The following TMED3 variants were observed in gnomAD, a reference collection of about 807,000 sequenced individuals.
The protein encoded by TMED3 is transmembrane emp24 domain-containing protein 3.
In TMED3, 9 loss-of-function variants were observed where a neutral mutation model predicts 15.0. The ratio of observed to expected loss-of-function variants is 0.60; its 90% CI spans 0.36 to 1.04. The LOEUF is 1.04. Among genes scored for constraint, TMED3 ranks in the 50% least tolerant of loss-of-function variants. The probability of loss-of-function intolerance (pLI) is 0.01; values close to 1 mark genes in which losing one functional copy is unlikely to be tolerated. For missense variants in TMED3, 267 were observed against 278.9 expected (o/e 0.96, Z 0.30); for synonymous variants, 117 against 121.4 (o/e 0.96, Z 0.24).
chr15:79,382,870 G>A (rs1273591366), intron 2 of TMED3: 2 of 1,115,710 alleles, frequency 1.8e-6, no homozygotes, highest in East Asian at 2.6e-5. Context: ...TCTTTCATGG[G>A]TATCTCATAC....
chr15:79,410,381 A>G (rs1893959318), intron 2 of TMED3, among the ~76,000 whole-genome samples: 1 of 152,196 alleles, frequency 6.6e-6, no homozygotes, highest in East Asian at 1.9e-4. Context: ...CTGACAGTAT[A>G]GGAGAGGGTG....
chr15:79,355,984 C>T (rs942913664), intron 2 of TMED3, among the ~76,000 whole-genome samples: 6 of 152,314 alleles, frequency 3.9e-5, no homozygotes, highest in Non-Finnish European at 5.9e-5. Flanking sequence ...TTATTATAAA[C>T]TAAATGTCAG....
At chr15:79,335,959 T>C (rs2058825460) in intron 2 of TMED3, among the ~76,000 whole-genome samples, 1 of 151,800 alleles carries the variant, frequency 6.6e-6, no homozygotes, top group African/African-American at 2.4e-5. Context: ...AATACTCCCA[T>C]CTTACAGATG....
chr15:79,316,730 A>G (rs550953124), intron 2 of TMED3, among the ~76,000 whole-genome samples: 5 of 152,320 alleles, frequency 3.3e-5, no homozygotes, highest in South Asian at 2.1e-4. Flanking sequence ...GTGAGGCTCC[A>G]GGACACTGGA....
At chr15:79,370,458 C>T (rs1049027263) in intron 2 of TMED3, among the ~76,000 whole-genome samples, 6 of 151,938 alleles carry the variant, frequency 3.9e-5, no homozygotes, top group South Asian at 2.1e-4. Flanking sequence ...CGATGGGCTC[C>T]GGGGAATATC....
At chr15:79,385,924 TAAAAC>T (rs1893621597) in intron 2 of TMED3, among the ~76,000 whole-genome samples, 1 of 152,208 alleles carries the variant, frequency 6.6e-6, no homozygotes, top group Non-Finnish European at 1.5e-5. Context: ...TTACAAATGA[TAAAAC>T]AACTGTTGGA....
At chr15:79,381,840 A>G (rs755100783) in intron 2 of TMED3, among the ~76,000 whole-genome samples, 14 of 152,194 alleles carry the variant, frequency 9.2e-5, no homozygotes, top group South Asian at 8.3e-4. Flanking sequence ...CCTGTCCTCA[A>G]AGCACCTTCC....
chr15:79,382,399 T>C (rs1464971406), intron 2 of TMED3, among the ~76,000 whole-genome samples: 2 of 152,214 alleles, frequency 1.3e-5, no homozygotes, highest in African/African-American at 4.8e-5. Context: ...AAAATAGTTG[T>C]GACTAGCCCT....
chr15:79,360,913 G>A (rs1893116331), intron 2 of TMED3, among the ~76,000 whole-genome samples: 2 of 152,164 alleles, frequency 1.3e-5, no homozygotes, highest in Admixed American at 1.3e-4. Flanking sequence ...GCACTATTGT[G>A]ATCATAACTA....
At chr15:79,337,409 G>A (rs1298151133) in intron 2 of TMED3, among the ~76,000 whole-genome samples, 1 of 152,050 alleles carries the variant, frequency 6.6e-6, no homozygotes, top group Non-Finnish European at 1.5e-5. Flanking sequence ...AGACACTGTG[G>A]GTTCAGAATT....
intron 2 of TMED3, among the ~76,000 whole-genome samples, chr15:79,370,421 C>T (rs1287898193): frequency 6.6e-6 from 1 of 152,040 alleles, no homozygotes; most frequent in East Asian, 1.9e-4. Flanking sequence ...TTGGGGCAGG[C>T]AGGAGTAGGG....
At chr15:79,401,587 T>C (rs1893834474) in intron 2 of TMED3, among the ~76,000 whole-genome samples, 1 of 152,088 alleles carries the variant, frequency 6.6e-6, no homozygotes, top group African/African-American at 2.4e-5. Context: ...CCCCCAACTA[T>C]GAATTATCTG....
chr15:79,366,204 G>A (rs573259200), intron 2 of TMED3, among the ~76,000 whole-genome samples: 2 of 152,130 alleles, frequency 1.3e-5, no homozygotes, highest in Admixed American at 1.3e-4. Context: ...TTACCTTCCT[G>A]CTACCTTGGC....
chr15:79,352,917 T>C, intron 2 of TMED3, among the ~76,000 whole-genome samples: 1 of 122,452 alleles, frequency 8.2e-6, no homozygotes, highest in East Asian at 2.3e-4. Context: ...ATAATATATA[T>C]AAAATATATA....
intron 2 of TMED3, among the ~76,000 whole-genome samples, chr15:79,349,082 C>A (rs980008922): frequency 1.3e-5 from 2 of 152,168 alleles, no homozygotes; most frequent in African/African-American, 4.8e-5. Flanking sequence ...AAGTGATCCA[C>A]CCACCTCTGC....
chr15:79,408,285 T>G (rs1386869038), intron 2 of TMED3, among the ~76,000 whole-genome samples: 1 of 152,204 alleles, frequency 6.6e-6, no homozygotes, highest in Non-Finnish European at 1.5e-5. Context: ...CAGTTCCCTT[T>G]GCCAGGCTAG....
chr15:79,321,551 TCA>T (rs2058766836), intron 2 of TMED3, among the ~76,000 whole-genome samples: 1 of 152,220 alleles, frequency 6.6e-6, no homozygotes, highest in Non-Finnish European at 1.5e-5. Flanking sequence ...GTGGTCTAGT[TCA>T]CACTTTGCTG....
intron 2 of TMED3, among the ~76,000 whole-genome samples, chr15:79,371,474 G>T (rs369038203): frequency 6.6e-6 from 1 of 152,284 alleles, no homozygotes; most frequent in African/African-American, 2.4e-5. Context: ...TTGCAGCAAA[G>T]AAAGAGTTTA....
At position 79,382,907 on chromosome 15, in the gene TMED3, C is replaced by A. The variant is rs1893560246; in HGVS notation, c.418-28493C>A. Reference sequence around the variant, plus strand: ...ATTGTTCTTACCAACACAATATAGTCTTTATTCCCATTGACAAAGTCAATT... The same window carrying A: ...ATTGTTCTTACCAACACAATATAGTATTTATTCCCATTGACAAAGTCAATT... On this transcript the variant is annotated intron_variant, in intron 2 of 2. Transcript: ENST00000424155. The A allele has an allele frequency of 2.0e-6, 3 of 1,464,202 alleles. No homozygotes were observed. In the East Asian group the frequency reaches 7.4e-5, roughly 36 times the overall value. 90.7% of individuals were successfully genotyped at this position (1,464,202 alleles called of 1,614,324 possible). A position where few individuals can be genotyped will look rare whatever the true frequency, so the allele number is the denominator to read the frequency against.
Sources: allele counts gnomAD v4.1 joint callset (sites outside exome capture counted in the v4.1 genomes callset), GRCh38; gene constraint gnomAD v4.1.1; transcripts MANE v1.5; gene names NCBI Gene and HGNC (gene_info 2026-07-23, HGNC 2026-07-21).